ATP10B: variants seen among roughly 807,000 people sequenced by gnomAD.
The protein encoded by ATP10B is phospholipid-transporting ATPase VB.
ATP10B carries 122 observed loss-of-function variants against 141.2 expected under a neutral mutation model. That is an observed-to-expected ratio of 0.86 (90% CI 0.75 to 1.00). The LOEUF is 1.00. Ranked by LOEUF, ATP10B falls within the 50% of genes least tolerant of loss-of-function variation. The pLI is 0.00. For missense variants in ATP10B, 1,876 were observed against 1,825.3 expected (o/e 1.03, Z -0.51); for synonymous variants, 685 against 692.0 (o/e 0.99, Z 0.16).
intron 2 of ATP10B, among the ~76,000 whole-genome samples, chr5:160,736,154 G>A (rs1767100671): frequency 6.6e-6 from 1 of 151,810 alleles, no homozygotes; most frequent in Admixed American, 6.6e-5. Flanking sequence ...AAATGAGTTA[G>A]AAAGAATACA....
At chr5:160,632,469 G>T in intron 12 of ATP10B, 102 bp from the exon 13 acceptor site, 2 of 1,079,654 alleles carry the variant, frequency 1.9e-6, no homozygotes, top group Non-Finnish European at 2.7e-6. Flanking sequence ...CATGGGAAGG[G>T]CCTATGCTAC....
rs192857839 is a variant in ATP10B at position 160,631,920 on chromosome 5, A to T, written c.1620+209T>A. 2.0e-4 allele frequency among the ~76,000 whole-genome samples: 30 copies of T among 152,358 alleles called. 1 individual carries two copies. In the East Asian group the frequency reaches 5.8e-3, roughly 29 times the overall value. ...AGCAAAAAAGTCTATATGCTTACAT[A>T]AAATCTCTGATTTCTAAACATTGAA... is the stretch of plus-strand genomic sequence containing the variant. On this transcript the variant is annotated intron_variant, in intron 13 of 25. Transcript: ENST00000327245.
intron 1 of ATP10B, among the ~76,000 whole-genome samples, chr5:160,795,209 G>C (rs1039184918): frequency 6.6e-6 from 1 of 152,122 alleles, no homozygotes; most frequent in African/African-American, 2.4e-5. Flanking sequence ...AGAATATCTT[G>C]AGCTGAGTCT....
chr5:160,660,811 T>G (rs1761859501), intron 7 of ATP10B, among the ~76,000 whole-genome samples: 1 of 152,172 alleles, frequency 6.6e-6, no homozygotes, highest in African/African-American at 2.4e-5. Flanking sequence ...AGGCACTAGA[T>G]CCTACTACCA....
At chr5:160,787,138 ACACACACACAC>A (rs1771226797) in intron 1 of ATP10B, among the ~76,000 whole-genome samples, 1 of 145,084 alleles carries the variant, frequency 6.9e-6, no homozygotes, top group Non-Finnish European at 1.5e-5. Context: ...ACACACACAC[ACACACACACAC>A]ATTATTTGAA....
chr5:160,691,751 C>T (rs1021740164), intron 3 of ATP10B: 4 of 152,188 alleles, frequency 2.6e-5, no homozygotes, highest in African/African-American at 7.2e-5. Flanking sequence ...GTCAATCCAA[C>T]TGATTTTCAG....
intron 2 of ATP10B, among the ~76,000 whole-genome samples, chr5:160,731,539 A>G (rs374056244): frequency 6.6e-6 from 1 of 152,136 alleles, no homozygotes; most frequent in African/African-American, 2.4e-5. Context: ...AGTTGTGTGG[A>G]GAATGGGAGT....
intron 3 of ATP10B, among the ~76,000 whole-genome samples, chr5:160,695,727 A>G (rs1265524865): frequency 6.6e-6 from 1 of 152,114 alleles, no homozygotes; most frequent in African/African-American, 2.4e-5. Context: ...ACTATGGGAG[A>G]AAAATCTATA....
intron 1 of ATP10B, among the ~76,000 whole-genome samples, chr5:160,818,070 A>T (rs1310366012): frequency 6.6e-6 from 1 of 152,210 alleles, no homozygotes. Context: ...AGGCAATACC[A>T]TTCAGGACAC....
At position 160,849,618 on chromosome 5, in the gene ATP10B, T is replaced by TACACACACACACACACACAC. The variant is rs796968833; in HGVS notation, c.-576+2303_-576+2322dup. Among the ~76,000 whole-genome samples the TACACACACACACACACACAC allele has an allele frequency of 3.6e-3, 532 of 148,216 alleles. 3 individuals are homozygous for TACACACACACACACACACAC. Among genetic ancestry groups the TACACACACACACACACACAC allele is most frequent in the East Asian group, 0.011 (57 of 4,970 alleles). ...CCAATTATTGAATTGTACTGGCAAT[T>TACACACACACACACACACAC]ACACACACACACACACACACACACT... On this transcript the variant is annotated intron_variant, in intron 1 of 25. Transcript: ENST00000327245.
chr5:160,887,509 C>T, the ATP10B span, among the ~76,000 whole-genome samples: 7 of 152,224 alleles, frequency 4.6e-5, no homozygotes, highest in East Asian at 1.2e-3. Context: ...GACCTCATCA[C>T]TCCTCTGACC....
At chr5:160,825,968 T>C (rs1774572279) in intron 1 of ATP10B, among the ~76,000 whole-genome samples, 1 of 152,200 alleles carries the variant, frequency 6.6e-6, no homozygotes, top group Non-Finnish European at 1.5e-5. Context: ...TTCATCCACT[T>C]TGCTGCAAAG....
chr5:160,747,796 G>T, intron 2 of ATP10B, among the ~76,000 whole-genome samples: 1 of 152,222 alleles, frequency 6.6e-6, no homozygotes, highest in Middle Eastern at 3.4e-3. Flanking sequence ...AATACACAGC[G>T]CTGTCATAGC....
chr5:160,629,976 T>C (rs995542433), intron 13 of ATP10B, among the ~76,000 whole-genome samples: 2 of 152,202 alleles, frequency 1.3e-5, no homozygotes, highest in Non-Finnish European at 2.9e-5. Context: ...GTTTAACATG[T>C]TGCTTAAGGT....
chr5:160,671,415 A>G (rs1197252922), intron 6 of ATP10B, among the ~76,000 whole-genome samples: 3 of 152,120 alleles, frequency 2.0e-5, no homozygotes, highest in Non-Finnish European at 2.9e-5. Flanking sequence ...GAACTGGGAT[A>G]TGGGAAAGAT....
intron 7 of ATP10B, among the ~76,000 whole-genome samples, chr5:160,652,958 T>TAATAC (rs1760975019): frequency 2.4e-5 from 2 of 84,842 alleles, no homozygotes; most frequent in Non-Finnish European, 3.9e-5. Flanking sequence ...ATATATTATA[T>TAATAC]ATACATGTAT....
intron 1 of ATP10B, among the ~76,000 whole-genome samples, chr5:160,820,646 A>G (rs1774031232): frequency 6.6e-6 from 1 of 152,100 alleles, no homozygotes; most frequent in Non-Finnish European, 1.5e-5. Flanking sequence ...TCCTCAACAA[A>G]ATATTAGCAA....
chr5:160,917,389 G>A, the ATP10B span, among the ~76,000 whole-genome samples: 4 of 151,244 alleles, frequency 2.6e-5, no homozygotes, highest in Admixed American at 2.6e-4. Context: ...GCTTTCCCTG[G>A]GCTACCTGGA....
At chr5:160,803,702 T>A (rs958040555) in intron 1 of ATP10B, among the ~76,000 whole-genome samples, 4 of 151,938 alleles carry the variant, frequency 2.6e-5, no homozygotes, top group Non-Finnish European at 5.9e-5. Context: ...TAAAAAGAGG[T>A]TACTTGTTCA....
Sources: allele counts gnomAD v4.1 joint callset (sites outside exome capture counted in the v4.1 genomes callset), GRCh38; gene constraint gnomAD v4.1.1; transcripts MANE v1.5; gene names NCBI Gene and HGNC (gene_info 2026-07-23, HGNC 2026-07-21).